The following TENM3 variants were observed in gnomAD, a reference collection of about 807,000 sequenced individuals.
TENM3 encodes the protein teneurin-3.
In TENM3, 63 loss-of-function variants were observed where a neutral mutation model predicts 255.1. The observed-to-expected ratio is 0.25, with a 90% confidence interval of 0.20 to 0.30. TENM3 has a LOEUF of 0.30. TENM3 is among the 10% of genes least tolerant of loss of function. The probability of loss-of-function intolerance (pLI) is 1.00; values close to 1 mark genes in which losing one functional copy is unlikely to be tolerated. For synonymous variants in TENM3, 1,306 were observed against 1,322.3 expected, an observed-to-expected ratio of 0.99 and a Z score of 0.27; for missense variants, 2,929 against 3,461.1, an observed-to-expected ratio of 0.85 and a Z score of 3.86.
chr4:182,668,619 C>T (rs1754929647), intron 6 of TENM3, among the ~76,000 whole-genome samples: 1 of 152,158 alleles, frequency 6.6e-6, no homozygotes, highest in Admixed American at 6.6e-5. Flanking sequence ...AAAAGAACCA[C>T]TGGTTAAATT....
chr4:182,186,873 T>A lies in TENM3; in HGVS notation c.-76+42119T>A, dbSNP rs190588110. On this transcript the variant is annotated intron_variant, in intron 1 of 2. Transcript: ENST00000512480. ...CCTCATTTCTCCAGATTTTCTAAAA[T>A]TCAGGCAGTTGGTGTGAGGGTGGAG... 8.5e-3 allele frequency among the ~76,000 whole-genome samples: 1,202 copies of A among 140,912 alleles called. 13 individuals are homozygous for A. Among genetic ancestry groups the A allele is most frequent in the Non-Finnish European group, 0.013 (868 of 65,382 alleles). 92.4% of individuals were successfully genotyped at this position (140,912 alleles called of 152,430 possible). A position where few individuals can be genotyped will look rare whatever the true frequency, so the allele number is the denominator to read the frequency against.
At chr4:181,771,610 CTT>C in the TENM3 span, among the ~76,000 whole-genome samples, 1 of 152,202 alleles carries the variant, frequency 6.6e-6, no homozygotes, top group African/African-American at 2.4e-5. Context: ...CTCTGCCTGT[CTT>C]TGATTAGGAA....
the TENM3 span, among the ~76,000 whole-genome samples, chr4:182,098,553 G>A: frequency 1.3e-5 from 2 of 152,178 alleles, no homozygotes; most frequent in Non-Finnish European, 2.9e-5. Context: ...GGAAGTGGGG[G>A]TTATGTAAAA....
chr4:182,214,691 C>T (rs1243658770), intron 1 of TENM3, among the ~76,000 whole-genome samples: 1 of 151,886 alleles, frequency 6.6e-6, no homozygotes, highest in African/African-American at 2.4e-5. Flanking sequence ...AAAAACGCCC[C>T]TCATGAAGTC....
At chr4:181,821,251 C>T in the TENM3 span, among the ~76,000 whole-genome samples, 7 of 152,304 alleles carry the variant, frequency 4.6e-5, no homozygotes, top group Middle Eastern at 3.4e-3. Flanking sequence ...CCAGATTCCC[C>T]GCTCCTGGCC....
intron 3 of TENM3, among the ~76,000 whole-genome samples, chr4:182,589,523 A>G (rs117863974): frequency 1.3e-5 from 2 of 149,158 alleles, no homozygotes; most frequent in East Asian, 4.0e-4. Context: ...ACTTACCCCA[A>G]GTTTGGGGAA....
At chr4:182,673,339 A>G (rs146158966) in intron 7 of TENM3, 120 bp downstream of exon 7, 8 of 653,110 alleles carry the variant, frequency 1.2e-5, no homozygotes, top group Middle Eastern at 4.2e-4. Flanking sequence ...TCGACTTTCT[A>G]CAGTAGAAAG....
intron 3 of TENM3, among the ~76,000 whole-genome samples, chr4:182,443,301 C>T (rs991593616): frequency 6.6e-6 from 1 of 152,132 alleles, no homozygotes; most frequent in African/African-American, 2.4e-5. Context: ...AGTGTGTCTG[C>T]AGCCCCTGAA....
chr4:182,020,151 G>A, the TENM3 span, among the ~76,000 whole-genome samples: 1 of 151,994 alleles, frequency 6.6e-6, no homozygotes, highest in Non-Finnish European at 1.5e-5. Flanking sequence ...GATCCCTTGA[G>A]GTCAGGAGTT....
the TENM3 span, among the ~76,000 whole-genome samples, chr4:181,653,688 C>A: frequency 6.7e-6 from 1 of 149,448 alleles, no homozygotes; most frequent in African/African-American, 2.5e-5. Flanking sequence ...CGTGCATGAG[C>A]CATAAGACCA....
At chr4:181,917,825 C>T in the TENM3 span, among the ~76,000 whole-genome samples, 1 of 151,736 alleles carries the variant, frequency 6.6e-6, no homozygotes, top group African/African-American at 2.4e-5. Context: ...TGACACCTGG[C>T]TAATTTTTGT....
intron 3 of TENM3, among the ~76,000 whole-genome samples, chr4:182,439,283 T>C (rs1157358793): frequency 1.3e-5 from 2 of 152,224 alleles, no homozygotes; most frequent in African/African-American, 4.8e-5. Flanking sequence ...TTTAGAGAAC[T>C]CTCTTCTCCT....
At chr4:182,411,072 G>T (rs1406597197) in intron 3 of TENM3, among the ~76,000 whole-genome samples, 1 of 152,092 alleles carries the variant, frequency 6.6e-6, no homozygotes, top group Non-Finnish European at 1.5e-5. Flanking sequence ...CCTGCTGTGA[G>T]TCCCTATCGG....
intron 3 of TENM3, among the ~76,000 whole-genome samples, chr4:182,523,392 T>C (rs1208467558): frequency 6.6e-6 from 1 of 152,182 alleles, no homozygotes; most frequent in Admixed American, 6.5e-5. Context: ...GTCTGCTTTG[T>C]CCTCGGTTAT....
the TENM3 span, among the ~76,000 whole-genome samples, chr4:181,782,829 C>A: frequency 6.6e-6 from 1 of 152,106 alleles, no homozygotes; most frequent in African/African-American, 2.4e-5. Context: ...TGTCTTTGTT[C>A]TCATTGGTTT....
chr4:181,771,030 G>A, the TENM3 span, among the ~76,000 whole-genome samples: 2 of 152,194 alleles, frequency 1.3e-5, no homozygotes, highest in Non-Finnish European at 2.9e-5. Context: ...CTCCAGTAAG[G>A]AATGGGTGTT....
At chr4:181,549,243 C>T in the TENM3 span, among the ~76,000 whole-genome samples, 3 of 152,178 alleles carry the variant, frequency 2.0e-5, no homozygotes, top group African/African-American at 7.2e-5. Flanking sequence ...GGACTGGAAG[C>T]CGGAGGCTCA....
At chr4:182,420,352 G>A (rs56316736) in intron 3 of TENM3, among the ~76,000 whole-genome samples, 15,435 of 152,116 alleles carry the variant, frequency 0.1, 908 homozygotes, top group East Asian at 0.2. Flanking sequence ...TCTGATTACT[G>A]TATGAGCGAC....
At chr4:181,724,178 A>ACTG in the TENM3 span, among the ~76,000 whole-genome samples, 30 of 152,180 alleles carry the variant, frequency 2.0e-4, no homozygotes, top group Non-Finnish European at 2.8e-4. Context: ...AACTTTTCCA[A>ACTG]CTGCTGGTTT....
Sources: allele counts gnomAD v4.1 joint callset (sites outside exome capture counted in the v4.1 genomes callset), GRCh38; gene constraint gnomAD v4.1.1; transcripts MANE v1.5; gene names NCBI Gene and HGNC (gene_info 2026-07-23, HGNC 2026-07-21).